Variants in UTP6 observed in about 807,000 individuals in gnomAD.
UTP6 encodes U3 small nucleolar RNA-associated protein 6 homolog.
Under a neutral mutation model 96.5 loss-of-function variants are expected in UTP6, and 60 were observed. That is an observed-to-expected ratio of 0.62 (90% CI 0.51 to 0.77). The LOEUF (loss-of-function observed/expected upper bound fraction) is 0.77. UTP6 is among the 30% of genes least tolerant of loss of function. The probability of loss-of-function intolerance (pLI) is 0.00; values close to 1 mark genes in which losing one functional copy is unlikely to be tolerated. For synonymous variants in UTP6, 215 were observed against 240.1 expected (o/e 0.90, Z 0.96); for missense variants, 637 against 706.5 (o/e 0.90, Z 1.12).
intron 11 of UTP6, 41 bp downstream of exon 11, chr17:31,880,532 A>G (rs767124145): frequency 7.5e-6 from 12 of 1,593,254 alleles, no homozygotes; most frequent in Non-Finnish European, 1.0e-5. Flanking sequence ...AATCAGGGAT[A>G]CTATTCCTTC....
At chr17:31,888,810 G>A (rs1911297958) in intron 7 of UTP6, among the ~76,000 whole-genome samples, 2 of 152,172 alleles carry the variant, frequency 1.3e-5, no homozygotes, top group Non-Finnish European at 2.9e-5. Flanking sequence ...AGTGGCTCAC[G>A]CCTGTAATCC....
At chr17:31,886,159 C>T in intron 8 of UTP6, 98 bp from the exon 9 acceptor site, 1 of 944,240 alleles carries the variant, frequency 1.1e-6, no homozygotes, top group Non-Finnish European at 1.6e-6. Flanking sequence ...TGCCATATGA[C>T]CACTGGTAAA....
intron 16 of UTP6, among the ~76,000 whole-genome samples, chr17:31,869,465 C>T (rs774145754): frequency 1.3e-5 from 2 of 151,942 alleles, no homozygotes; most frequent in Non-Finnish European, 2.9e-5. Flanking sequence ...TGGCATGAGC[C>T]ACCACGCCTG....
intron 7 of UTP6, chr17:31,887,591 A>T (rs1911224206): frequency 3.6e-6 from 1 of 277,918 alleles, no homozygotes; most frequent in South Asian, 5.9e-5. Flanking sequence ...ACCTCAAGTG[A>T]TCCTCCTGCC....
rs200620009 is a variant in UTP6, at chr17:31,880,680, T to C, written c.860A>G (p.Gln287Arg). The change falls in exon 11 of 19, where the codon CAG becomes CGG. Residue 287 changes from glutamine (Q) to arginine (R), a missense_variant. Coordinates refer to ENST00000261708, the MANE Select transcript of UTP6 (RefSeq NM_018428.3). ...TTTCGTTGTAGGCTGCTCTTCTGTCTGTGACTCAATCTCTAATTCTCGCCT... is the reference window on the plus strand; with the variant it reads ...TTTCGTTGTAGGCTGCTCTTCTGTCCGTGACTCAATCTCTAATTCTCGCCT... ...VARRELEIES[Q>R]TEEQPTTKQA... is the part of the protein sequence containing the mutation. 2 of 1,614,186 alleles carry C rather than the reference T, an allele frequency of 1.2e-6. No homozygotes were observed. The highest frequency in any genetic ancestry group is 3.3e-5 in the Admixed American group (2 of 60,008).
chr17:31,878,387 T>C (rs1910623280), intron 12 of UTP6, 60 bp from the exon 13 acceptor site: 2 of 1,521,620 alleles, frequency 1.3e-6, no homozygotes, highest in Non-Finnish European at 9.0e-7. Flanking sequence ...CTCTGGCCTC[T>C]GACATGAACA....
chr17:31,863,122 C>T lies in UTP6; in HGVS notation c.*237G>A. 1 of 484,474 alleles carries T rather than the reference C, an allele frequency of 2.1e-6. No individual in the cohort carries two copies. Among genetic ancestry groups the T allele is most frequent in the Non-Finnish European group, 3.7e-6 (1 of 272,436 alleles). 30.0% of individuals were successfully genotyped at this position (484,474 alleles called of 1,614,324 possible). A position where few individuals can be genotyped will look rare whatever the true frequency, so the allele number is the denominator to read the frequency against. On this transcript the variant is annotated 3_prime_UTR_variant, in exon 19 of 19. Coordinates refer to ENST00000261708, the MANE Select transcript of UTP6 (RefSeq NM_018428.3). ...TCAGGAGTCTGAGGTGAGAAGGTCACTTGAGTCCAGGAGTTCAAGACCAGC... is the reference window on the plus strand; with the variant it reads ...TCAGGAGTCTGAGGTGAGAAGGTCATTTGAGTCCAGGAGTTCAAGACCAGC...
intron 7 of UTP6, among the ~76,000 whole-genome samples, chr17:31,888,518 G>A (rs931754044): frequency 2.6e-5 from 4 of 152,124 alleles, no homozygotes; most frequent in Non-Finnish European, 5.9e-5. Flanking sequence ...AGACCAGCCT[G>A]CCCAACAGGG....
intron 6 of UTP6, among the ~76,000 whole-genome samples, chr17:31,890,598 A>G (rs1184068594): frequency 6.6e-6 from 1 of 151,912 alleles, no homozygotes. Context: ...AGCCTGGGCG[A>G]CAGAGCAAGA....
intron 13 of UTP6, 86 bp downstream of exon 13, chr17:31,878,164 A>G: frequency 1.5e-6 from 2 of 1,356,700 alleles, no homozygotes; most frequent in Non-Finnish European, 2.1e-6. Context: ...TCTTAAGACT[A>G]TATATATTTA....
At chr17:31,899,282 C>T (rs1030676479) in intron 2 of UTP6, among the ~76,000 whole-genome samples, 3 of 151,986 alleles carry the variant, frequency 2.0e-5, no homozygotes, top group Non-Finnish European at 2.9e-5. Flanking sequence ...GGGTGAAAGG[C>T]GAGCCCCTGC....
At chr17:31,890,187 G>T (rs1365921918) in intron 6 of UTP6, among the ~76,000 whole-genome samples, 1 of 151,844 alleles carries the variant, frequency 6.6e-6, no homozygotes, top group Non-Finnish European at 1.5e-5. Flanking sequence ...GTAGAGATGG[G>T]TTTTCACCAT....
At chr17:31,900,179 T>C (rs1460870453) in intron 1 of UTP6, among the ~76,000 whole-genome samples, 4 of 152,214 alleles carry the variant, frequency 2.6e-5, no homozygotes, top group Non-Finnish European at 4.4e-5. Flanking sequence ...ATTACTTTTG[T>C]GTTCTTAAGG....
intron 16 of UTP6, among the ~76,000 whole-genome samples, chr17:31,869,364 C>G (rs1288358585): frequency 6.6e-6 from 1 of 152,052 alleles, no homozygotes; most frequent in Non-Finnish European, 1.5e-5. Context: ...GAAAGGGTCT[C>G]GCTATGTTGC....
At chr17:31,880,443 G>T in intron 11 of UTP6, 130 bp downstream of exon 11, 1 of 1,058,036 alleles carries the variant, frequency 9.5e-7, no homozygotes, top group Non-Finnish European at 1.3e-6. Flanking sequence ...AAAAAAAAAG[G>T]CCAGGCTCAT....
chr17:31,866,346 A>G (rs1909815278), intron 17 of UTP6, among the ~76,000 whole-genome samples: 1 of 151,546 alleles, frequency 6.6e-6, no homozygotes, highest in Non-Finnish European at 1.5e-5. Flanking sequence ...CTGTAATCCC[A>G]GTACTTTGGG....
intron 2 of UTP6, among the ~76,000 whole-genome samples, chr17:31,895,899 T>A (rs1004916532): frequency 1.3e-5 from 2 of 151,080 alleles, no homozygotes; most frequent in African/African-American, 2.4e-5. Context: ...AGGCTGGTGG[T>A]GTGTGCCTGT....
In UTP6 at chr17:31,889,420, A is replaced by C. The variant is rs1168976857; in HGVS notation, c.425-17T>G. ...TCCACAAAGCTGTAAGTGAAAAACCATCAGATTTCATTTCAATAAATTAAT... is the reference window on the plus strand; with the variant it reads ...TCCACAAAGCTGTAAGTGAAAAACCCTCAGATTTCATTTCAATAAATTAAT... On this transcript the variant is annotated splice_polypyrimidine_tract_variant and intron_variant, in intron 6 of 18. Coordinates refer to ENST00000261708, the MANE Select transcript of UTP6 (RefSeq NM_018428.3). 6.3e-7 allele frequency: 1 copy of C among 1,577,064 alleles called. No homozygotes were observed. Among genetic ancestry groups the C allele is most frequent in the East Asian group, 2.2e-5 (1 of 44,498 alleles).
At chr17:31,867,390 C>T (rs540507240) in intron 17 of UTP6, among the ~76,000 whole-genome samples, 1 of 151,924 alleles carries the variant, frequency 6.6e-6, no homozygotes, top group Non-Finnish European at 1.5e-5. Context: ...TGCCTGTAAT[C>T]CCAGCTACTC....
Sources: gnomAD v4.1 joint callset for allele counts (sites outside exome capture counted in the v4.1 genomes callset) on GRCh38, gnomAD v4.1.1 for gene constraint, MANE v1.5 for transcripts, NCBI Gene and HGNC (gene_info 2026-07-23, HGNC 2026-07-21) for gene names.